The following LSAMP variants were observed in gnomAD, a reference collection of about 807,000 sequenced individuals.
The protein encoded by LSAMP is limbic system-associated membrane protein.
A neutral mutation model predicts 38.6 loss-of-function variants in LSAMP; 7 were observed. That is an observed-to-expected ratio of 0.18 (90% CI 0.10 to 0.34). LSAMP has a LOEUF of 0.34. Ranked by LOEUF, LSAMP falls within the 10% of genes least tolerant of loss-of-function variation. LSAMP has a pLI of 1.00. For synonymous variants in LSAMP, 154 were observed against 166.8 expected, an observed-to-expected ratio of 0.92 and a Z score of 0.59; for missense variants, 313 against 420.0, an observed-to-expected ratio of 0.75 and a Z score of 2.23.
At chr3:116,307,919 C>G (rs377228276) in intron 1 of LSAMP, among the ~76,000 whole-genome samples, 2 of 151,830 alleles carry the variant, frequency 1.3e-5, no homozygotes, top group South Asian at 4.1e-4. Context: ...GAATAAACTT[C>G]TTAACCTCTC....
intron 3 of LSAMP, among the ~76,000 whole-genome samples, chr3:116,014,786 GCAA>G (rs1940429569): frequency 1.3e-5 from 2 of 152,154 alleles, no homozygotes; most frequent in South Asian, 4.1e-4. Context: ...GATGTTACTT[GCAA>G]CAGGTACTTC....
At chr3:115,902,931 G>A (rs1351099503) in intron 3 of LSAMP, among the ~76,000 whole-genome samples, 1 of 152,132 alleles carries the variant, frequency 6.6e-6, no homozygotes, top group African/African-American at 2.4e-5. Flanking sequence ...GTAAAGCAGT[G>A]TGGCAATTCC....
intron 3 of LSAMP, among the ~76,000 whole-genome samples, chr3:115,990,797 A>G (rs1023355667): frequency 2.0e-5 from 3 of 152,102 alleles, no homozygotes; most frequent in Non-Finnish European, 4.4e-5. Context: ...CTCAATCTTT[A>G]GTGAATGTTA....
chr3:116,375,497 T>C, intron 1 of LSAMP, among the ~76,000 whole-genome samples: 1 of 151,880 alleles, frequency 6.6e-6, no homozygotes, highest in East Asian at 1.9e-4. Flanking sequence ...TAAACACCAC[T>C]AACATTTAAT....
At chr3:115,919,099 G>A (rs941017449) in intron 3 of LSAMP, among the ~76,000 whole-genome samples, 8 of 152,094 alleles carry the variant, frequency 5.3e-5, no homozygotes, top group Admixed American at 3.3e-4. Flanking sequence ...AGACCACACA[G>A]CACTTGAAAA....
At chr3:116,325,502 T>C (rs965135250) in intron 1 of LSAMP, among the ~76,000 whole-genome samples, 10 of 152,154 alleles carry the variant, frequency 6.6e-5, no homozygotes, top group African/African-American at 2.4e-4. Flanking sequence ...GATGAGGGCA[T>C]ACAGGTCCCT....
intron 1 of LSAMP, among the ~76,000 whole-genome samples, chr3:116,416,998 G>A (rs1370261703): frequency 1.3e-5 from 2 of 152,108 alleles, no homozygotes; most frequent in African/African-American, 4.8e-5. Context: ...AAGATTAAAG[G>A]AATCTCTTTT....
intron 1 of LSAMP, among the ~76,000 whole-genome samples, chr3:116,321,521 C>T (rs958902780): frequency 8.5e-5 from 13 of 152,196 alleles, no homozygotes; most frequent in Admixed American, 6.5e-4. Flanking sequence ...TGAATCCACA[C>T]AACATCTAGA....
At chr3:116,429,375 T>C (rs2049249301) in intron 1 of LSAMP, among the ~76,000 whole-genome samples, 1 of 152,218 alleles carries the variant, frequency 6.6e-6, no homozygotes, top group South Asian at 2.1e-4. Flanking sequence ...ATATATTCAG[T>C]AAAATAATTG....
Position 116,377,769 on chromosome 3 carries a change from G to T in LSAMP, c.155+67108C>A, listed in dbSNP as rs138739426. Among the ~76,000 whole-genome samples, 937 of 152,022 alleles carry T rather than the reference G, an allele frequency of 6.2e-3. 9 individuals carry two copies. The highest frequency in any genetic ancestry group is 0.021 in the African/African-American group (890 of 41,482). On this transcript the variant is annotated intron_variant, in intron 1 of 6. Transcript: ENST00000490035. ...AAATCCCATGGAGCCCTTTATATAT[G>T]TATATGTGTGTCAATAATACACAAA...
intron 1 of LSAMP, among the ~76,000 whole-genome samples, chr3:116,441,827 TA>T (rs1027165542): frequency 6.6e-6 from 1 of 152,228 alleles, no homozygotes; most frequent in Admixed American, 6.5e-5. Context: ...CTGGTTGTTC[TA>T]TTTAGGGAGG....
chr3:116,068,527 A>G (rs1422887622), intron 2 of LSAMP, among the ~76,000 whole-genome samples: 1 of 152,246 alleles, frequency 6.6e-6, no homozygotes, highest in Non-Finnish European at 1.5e-5. Flanking sequence ...AAAGTACTCA[A>G]TGATTATCAG....
intron 2 of LSAMP, among the ~76,000 whole-genome samples, chr3:116,036,259 A>G (rs1359069795): frequency 6.6e-6 from 1 of 152,186 alleles, no homozygotes; most frequent in African/African-American, 2.4e-5. Context: ...CCTGACTATG[A>G]CCACTGAATG....
chr3:115,911,872 A>T (rs1937143172), intron 3 of LSAMP, among the ~76,000 whole-genome samples: 1 of 152,174 alleles, frequency 6.6e-6, no homozygotes, highest in South Asian at 2.1e-4. Context: ...TATTTTAGCC[A>T]TTTTGATAAG....
intron 1 of LSAMP, among the ~76,000 whole-genome samples, chr3:116,264,056 TTGTTACCACAGGCC>T (rs1360514622): frequency 6.6e-6 from 1 of 152,332 alleles, no homozygotes; most frequent in East Asian, 1.9e-4. Flanking sequence ...CTGCACTTGG[TTGTTACCACAGGCC>T]TGGCATATTT....
intron 1 of LSAMP, among the ~76,000 whole-genome samples, chr3:116,431,252 TAA>T (rs2049277742): frequency 1.3e-5 from 2 of 152,046 alleles, no homozygotes; most frequent in Non-Finnish European, 2.9e-5. Context: ...AATATATTAA[TAA>T]GTCTATTGGA....
intron 3 of LSAMP, among the ~76,000 whole-genome samples, chr3:115,907,127 A>C (rs1937026173): frequency 6.6e-6 from 1 of 152,110 alleles, no homozygotes; most frequent in African/African-American, 2.4e-5. Flanking sequence ...AGTCTCCTTC[A>C]AGCCTTGTTG....
chr3:115,969,662 T>C (rs1938949670), intron 3 of LSAMP, among the ~76,000 whole-genome samples: 2 of 152,238 alleles, frequency 1.3e-5, no homozygotes, highest in Admixed American at 1.3e-4. Flanking sequence ...CTCTCATGTT[T>C]CTGACATTTT....
chr3:116,283,627 G>C (rs2047157431), intron 1 of LSAMP, among the ~76,000 whole-genome samples: 1 of 152,122 alleles, frequency 6.6e-6, no homozygotes, highest in Admixed American at 6.5e-5. Context: ...AATAATCCCA[G>C]TGAATAAATT....
Sources: allele counts gnomAD v4.1 joint callset (sites outside exome capture counted in the v4.1 genomes callset), GRCh38; gene constraint gnomAD v4.1.1; transcripts MANE v1.5; gene names NCBI Gene and HGNC (gene_info 2026-07-23, HGNC 2026-07-21).